The following TPSG1 variants were observed in gnomAD, a reference collection of about 807,000 sequenced individuals.
TPSG1 encodes tryptase gamma 1.
A neutral mutation model predicts 23.8 loss-of-function variants in TPSG1; 43 were observed. That is an observed-to-expected ratio of 1.81 (90% CI 1.42 to 2.33). The LOEUF is 2.33. Among genes scored for constraint, TPSG1 ranks in the 30% most tolerant of loss-of-function variants. The pLI, the probability that TPSG1 is intolerant of heterozygous loss-of-function variation, is 0.00. For synonymous variants in TPSG1, 302 were observed against 201.3 expected (o/e 1.50, Z -4.23); for missense variants, 623 against 438.6 (o/e 1.42, Z -3.75).
At chr16:1,224,276 G>C (rs1232427420) in intron 2 of TPSG1, 2 of 311,050 alleles carry the variant, frequency 6.4e-6, no homozygotes, top group Non-Finnish European at 1.2e-5. Flanking sequence ...TGGGGCACCG[G>C]CTCTCCCACA....
chr16:1,225,239 GC>G lies in TPSG1; in HGVS notation c.13del (p.Ala5ProfsTer80). The part of the protein sequence containing the change: MALG[A>X]CGLLLLLAVP... ...AGCCAGGAGCAGCAGGAGGCCACAG[GC>G]CCCAAGGGCCATGGTGTCTGCCCAC... On this transcript the variant is annotated frameshift_variant, in exon 1 of 6. Coordinates refer to ENST00000234798, the MANE Select transcript of TPSG1 (RefSeq NM_012467.4). LOFTEE classifies it high-confidence loss of function. The G allele has an allele frequency of 1.3e-6, 2 of 1,576,154 alleles. No homozygotes were observed. The highest frequency in any genetic ancestry group is 1.7e-6 in the Non-Finnish European group (2 of 1,161,134).
chr16:1,221,722 GGA>G lies in TPSG1; in HGVS notation c.*64_*65del. Reference sequence around the variant, plus strand: ...GATGCAGAAGACTCAGCTTCTCAAGGGAGAGGGAGGGGGCGGAGCGGAATAAA... The same window carrying G: ...GATGCAGAAGACTCAGCTTCTCAAGGGAGGGAGGGGGCGGAGCGGAATAAA... On this transcript the variant is annotated 3_prime_UTR_variant, in exon 6 of 6. Coordinates refer to ENST00000234798, the MANE Select transcript of TPSG1 (RefSeq NM_012467.4). 1 of 1,430,330 alleles carries G rather than the reference GGA, an allele frequency of 7.0e-7. No homozygotes were observed. The highest frequency in any genetic ancestry group is 9.4e-7 in the Non-Finnish European group (1 of 1,064,294). The allele number at this position is 1,430,330 out of a possible 1,614,324, so 88.6% of individuals were successfully genotyped here. A position where few individuals can be genotyped will look rare whatever the true frequency, so the allele number is the denominator to read the frequency against.
intron 1 of TPSG1, 98 bp from the exon 2 acceptor site, chr16:1,224,726 G>C: frequency 6.7e-7 from 1 of 1,503,644 alleles, no homozygotes; most frequent in South Asian, 1.1e-5. Flanking sequence ...CGGCACTGGG[G>C]TGGGGCCTGG....
chr16:1,222,468 C>A, intron 4 of TPSG1, 127 bp from the exon 5 acceptor site: 1 of 1,247,480 alleles, frequency 8.0e-7, no homozygotes, highest in South Asian at 1.4e-5. Flanking sequence ...GGGTTGTGAT[C>A]TGACGTTTGG....
intron 1 of TPSG1, 25 bp from the exon 2 acceptor site, chr16:1,224,653 G>T (rs971071272): frequency 6.2e-7 from 1 of 1,613,630 alleles, no homozygotes. Context: ...AAGGGCCCAG[G>T]ATGGAGGGGG....
At chr16:1,223,015 C>T (rs1289731162) in intron 3 of TPSG1, 98 bp from the exon 4 acceptor site, 6 of 1,384,468 alleles carry the variant, frequency 4.3e-6, no homozygotes, top group African/African-American at 2.9e-5. Flanking sequence ...ATCCGAAGCC[C>T]AGCTCTTCCC....
chr16:1,225,146 T>A, intron 1 of TPSG1, 61 bp downstream of exon 1: 1 of 1,528,986 alleles, frequency 6.5e-7, no homozygotes. Flanking sequence ...TTCACCCCCA[T>A]CAGGGGTCCA....
chr16:1,222,740 G>T lies in TPSG1; in HGVS notation c.423C>A (p.Ile141=). 1 of 1,611,660 alleles carries T rather than the reference G, an allele frequency of 6.2e-7. No homozygotes were observed. Among genetic ancestry groups the T allele is most frequent in the Non-Finnish European group, 8.5e-7 (1 of 1,179,064 alleles). Residue 141 remains isoleucine (I), a synonymous_variant, in exon 4 of 6, where the codon ATC becomes ATA. Coordinates refer to ENST00000234798, the MANE Select transcript of TPSG1 (RefSeq NM_012467.4). The part of the protein sequence containing the change: ...LSVPVTLSSR[I]LPVCLPEASD... The stretch of plus-strand genomic sequence containing the variant: ...AGGCCTCCGGGAGGCAGACGGGCAG[G>T]ATCCGGCTGGAGAGGGTCACGGGGA...
intron 1 of TPSG1, 161 bp from the exon 2 acceptor site, chr16:1,224,789 G>T (rs1016646152): frequency 2.4e-6 from 2 of 840,684 alleles, no homozygotes; most frequent in African/African-American, 1.7e-5. Context: ...CTGTCTCACT[G>T]GCCCAGGGCT....
rs372459093 is a variant in TPSG1, at chr16:1,222,312, C to T, written c.541G>A (p.Glu181Lys). 37 of 1,608,782 alleles carry T rather than the reference C, an allele frequency of 2.3e-5. No homozygotes were observed. The Middle Eastern group carries it at 9.1e-4, about 39-fold the overall frequency. The change falls in exon 5 of 6, where the codon GAG becomes AAG. Residue 181 changes from glutamate to lysine, a missense_variant. Glu to Lys is a moderately conservative substitution (Grantham distance 56). Coordinates refer to ENST00000234798, the MANE Select transcript of TPSG1 (RefSeq NM_012467.4). Reference sequence around the variant, plus strand: ...GTGTCCACCACGGAGACTTTCACCTCCCGCAGGCTGTACGGGGGTGGCAGA... The same window carrying T: ...GTGTCCACCACGGAGACTTTCACCTTCCGCAGGCTGTACGGGGGTGGCAGA... ...EPLPPPYSLR[E>K]VKVSVVDTET...
At position 1,224,500 on chromosome 16, in the gene TPSG1, CG is replaced by C. The variant is rs950273003; in HGVS notation, c.73+101del. 12 of 1,473,520 alleles carry C rather than the reference CG, an allele frequency of 8.1e-6. No homozygotes were observed. The African/African-American group carries it at 9.8e-5, about 12-fold the overall frequency. The allele number at this position is 1,473,520 out of a possible 1,614,324, so 91.3% of individuals were successfully genotyped here. A position where few individuals can be genotyped will look rare whatever the true frequency, so the allele number is the denominator to read the frequency against. ...CCACGGCGACAAACTATGACCTCCC[CG>C]GGCCCCCATTGGGACCCCAGGGAAG... is the stretch of plus-strand genomic sequence containing the variant. On this transcript the variant is annotated intron_variant, in intron 2 of 5. Coordinates refer to ENST00000234798, the MANE Select transcript of TPSG1 (RefSeq NM_012467.4).
At chr16:1,224,261 T>TG (rs1360669015) in intron 2 of TPSG1, 5 of 298,350 alleles carry the variant, frequency 1.7e-5, no homozygotes, top group African/African-American at 1.1e-4. Context: ...GCAGCGGGTG[T>TG]GGGGTGGGGC....
chr16:1,224,613 G>T lies in TPSG1; in HGVS notation c.62C>A (p.Thr21Asn). The change falls in exon 2 of 6, where the codon ACT becomes AAT. Residue 21 changes from threonine to asparagine, a missense_variant. By Grantham distance (65) the Thr-to-Asn change is moderately conservative. Transcript: ENST00000234798. ...LLAVPGVSLR[T>N]LQPGCGRPQV... ...TGTCAGAGACGTACCTGGCTGCAAA[G>T]TCCTGAGGGACACACCTGTGGGAAA... 6.2e-7 allele frequency: 1 copy of T among 1,613,890 alleles called. No individual in the cohort carries two copies. The highest frequency in any genetic ancestry group is 8.5e-7 in the Non-Finnish European group (1 of 1,179,900).
In TPSG1 at chr16:1,221,789, C is replaced by T. The variant is rs747951214; in HGVS notation, c.965G>A (p.Ter322=). 5.6e-6 allele frequency: 9 copies of T among 1,596,354 alleles called. No individual in the cohort carries two copies. The African/African-American group carries it at 8.1e-5, about 14-fold the overall frequency. The change falls in exon 6 of 6, where the codon TGA becomes TAA. Residue 322 remains the stop codon, a stop_retained_variant. Transcript: ENST00000234798. ...AGAAATGCACTTGGATTCCTGCCAT[C>T]AGTCAGGGGCGGGGAAGGGAGTACC... is the stretch of plus-strand genomic sequence containing the variant. ...ADGTPFPAPD[*]
chr16:1,222,243 G>A lies in TPSG1; in HGVS notation c.610C>T (p.Leu204Phe). 4 of 1,612,282 alleles carry A rather than the reference G, an allele frequency of 2.5e-6. No homozygotes were observed. The highest frequency in any genetic ancestry group is 3.4e-6 in the Non-Finnish European group (4 of 1,179,882). The change falls in exon 5 of 6, where the codon CTT becomes TTT. Residue 204 changes from leucine to phenylalanine, a missense_variant. Transcript: ENST00000234798. The stretch of plus-strand genomic sequence containing the variant: ...CGGGCACACAGCATGTCGGGCTGAA[G>A]GATGCTGCCCCCGGGGCCGGGATAG... ...RDYPGPGGSI[L>F]QPDMLCARGP...
In TPSG1 at chr16:1,223,572, C is replaced by T. The variant is rs748520065; in HGVS notation, c.96G>A (p.Ser32=). The change falls in exon 3 of 6, where the codon TCG becomes TCA. Residue 32 remains serine (S), a synonymous_variant. Transcript: ENST00000234798. The part of the protein sequence containing the change: ...LQPGCGRPQV[S]DAGGRIVGGH... ...CCCCCACGATCCGGCCGCCTGCATC[C>T]GAAACCTGCGGCCGGCCACACCCTA... The T allele has an allele frequency of 4.1e-5, 63 of 1,542,746 alleles. No homozygotes were observed. Among genetic ancestry groups the T allele is most frequent in the African/African-American group, 6.9e-5 (5 of 72,788 alleles).
At chr16:1,223,760 T>C in intron 2 of TPSG1, 166 bp from the exon 3 acceptor site, 2 of 822,414 alleles carry the variant, frequency 2.4e-6, no homozygotes, top group Non-Finnish European at 3.6e-6. Context: ...GCAGCAGAAA[T>C]GACGTCTCAG....
chr16:1,221,697 G>T lies in TPSG1; in HGVS notation c.*91C>A. 1 of 1,260,000 alleles carries T rather than the reference G, an allele frequency of 7.9e-7. No individual in the cohort carries two copies. Among genetic ancestry groups the T allele is most frequent in the Non-Finnish European group, 1.1e-6 (1 of 922,234 alleles). 78.1% of individuals were successfully genotyped at this position (1,260,000 alleles called of 1,614,324 possible). On this transcript the variant is annotated 3_prime_UTR_variant, in exon 6 of 6. Transcript: ENST00000234798. Reference sequence around the variant, plus strand: ...TTCAGGTTAAATGTTGCAATAATCTGATGCAGAAGACTCAGCTTCTCAAGG... The same window carrying T: ...TTCAGGTTAAATGTTGCAATAATCTTATGCAGAAGACTCAGCTTCTCAAGG...
Position 1,222,840 on chromosome 16 carries a change from C to G in TPSG1, c.323G>C (p.Arg108Thr). The G allele has an allele frequency of 6.2e-7, 1 of 1,611,530 alleles. No homozygotes were observed. Among genetic ancestry groups the G allele is most frequent in the South Asian group, 1.1e-5 (1 of 90,884 alleles). ...GGGGCTGGAGTGCAGGATGATCTGC[C>G]TCACGGTGGAGAAGTGGGGAGACAG... The part of the protein sequence containing the change: ...ITLSPHFSTV[R>T]QIILHSSPSG... Residue 108 changes from arginine (R) to threonine (T), a missense_variant, in exon 4 of 6, where the codon AGG (arginine) becomes ACG (threonine). By Grantham distance (71) the Arg-to-Thr change is moderately conservative. Coordinates refer to ENST00000234798, the MANE Select transcript of TPSG1 (RefSeq NM_012467.4).
Sources: gnomAD v4.1 joint callset for allele counts on GRCh38, gnomAD v4.1.1 for gene constraint, MANE v1.5 for transcripts, NCBI Gene and HGNC (gene_info 2026-07-23, HGNC 2026-07-21) for gene names.